The following LTBP1 variants were observed in gnomAD, a reference collection of about 807,000 sequenced individuals.
LTBP1 encodes the protein latent transforming growth factor beta binding protein 1.
In LTBP1, 129 loss-of-function variants were observed where a neutral mutation model predicts 207.6. The observed-to-expected ratio is 0.62, with a 90% CI of 0.54 to 0.72. The LOEUF (loss-of-function observed/expected upper bound fraction) is 0.72. Among genes scored for constraint, LTBP1 ranks in the 30% least tolerant of loss-of-function variants. The pLI is 0.00. For missense variants in LTBP1, 2,281 were observed against 2,217.2 expected (o/e 1.03, Z -0.58); for synonymous variants, 963 against 833.7 (o/e 1.16, Z -2.67).
At chr2:33,257,658 C>G in intron 12 of LTBP1, 147 bp downstream of exon 12, 1 of 649,362 alleles carries the variant, frequency 1.5e-6, no homozygotes, top group Non-Finnish European at 2.7e-6. Context: ...TGGGGGCTGC[C>G]CTGTGTATTG....
At chr2:33,041,311 G>T (rs1412817204) in intron 3 of LTBP1, among the ~76,000 whole-genome samples, 1 of 151,840 alleles carries the variant, frequency 6.6e-6, no homozygotes, top group Admixed American at 6.6e-5. Flanking sequence ...TTGAGACGGA[G>T]TCTCGCTGTG....
At chr2:33,329,285 A>T (rs973125908) in intron 24 of LTBP1, among the ~76,000 whole-genome samples, 3 of 152,138 alleles carry the variant, frequency 2.0e-5, no homozygotes, top group African/African-American at 7.2e-5. Context: ...TCATACCTTT[A>T]TTGGCCCTTT....
intron 2 of LTBP1, among the ~76,000 whole-genome samples, chr2:33,005,768 G>A (rs1686771708): frequency 6.6e-6 from 1 of 151,992 alleles, no homozygotes; most frequent in African/African-American, 2.4e-5. Context: ...TGTATTTTTA[G>A]TAGAGATGGA....
intron 18 of LTBP1, among the ~76,000 whole-genome samples, chr2:33,277,777 CTTTCTTTCTTTCTTTCTT>C (rs1343111575): frequency 5.5e-5 from 3 of 54,678 alleles, no homozygotes; most frequent in African/African-American, 1.6e-4. Context: ...TTCTTTCTTT[CTTTCTTTCTTTCTTTCTT>C]TCTCTCTCTC....
intron 3 of LTBP1, among the ~76,000 whole-genome samples, chr2:33,032,866 G>A (rs1472109074): frequency 1.3e-5 from 2 of 152,130 alleles, no homozygotes; most frequent in African/African-American, 4.8e-5. Context: ...AATCAGAAAT[G>A]CTTTTCATAC....
intron 5 of LTBP1, among the ~76,000 whole-genome samples, chr2:33,186,278 A>T (rs1361915178): frequency 6.6e-6 from 1 of 152,208 alleles, no homozygotes; most frequent in Non-Finnish European, 1.5e-5. Context: ...TTTTGTGAGT[A>T]CATAGTAGGT....
chr2:33,119,228 G>A (rs1420341955), intron 4 of LTBP1, among the ~76,000 whole-genome samples: 1 of 151,616 alleles, frequency 6.6e-6, no homozygotes, highest in African/African-American at 2.4e-5. Context: ...TGGGGAAACT[G>A]TAAAGCAAAG....
At chr2:33,126,086 G>T (rs749415079) in intron 4 of LTBP1, among the ~76,000 whole-genome samples, 1 of 152,110 alleles carries the variant, frequency 6.6e-6, no homozygotes, top group Non-Finnish European at 1.5e-5. Flanking sequence ...ATGAGTGAGT[G>T]TCTCCTTAGA....
chr2:33,276,931 G>A (rs1302816629), intron 18 of LTBP1, among the ~76,000 whole-genome samples: 1 of 152,190 alleles, frequency 6.6e-6, no homozygotes, highest in East Asian at 1.9e-4. Flanking sequence ...CTGACCTTCT[G>A]CTAAAAACCT....
intron 4 of LTBP1, among the ~76,000 whole-genome samples, chr2:33,122,500 C>G (rs1342328141): frequency 1.8e-4 from 27 of 152,134 alleles, no homozygotes; most frequent in Non-Finnish European, 2.9e-4. Context: ...GTAAGGTGGC[C>G]TGGCAGAGGC....
chr2:33,288,626 C>T (rs1035633154), intron 19 of LTBP1, among the ~76,000 whole-genome samples: 7 of 151,988 alleles, frequency 4.6e-5, no homozygotes, highest in Admixed American at 1.3e-4. Flanking sequence ...GAGGCCGAGG[C>T]GGGCAGATCA....
chr2:33,222,217 G>A, intron 9 of LTBP1, 66 bp downstream of exon 9: 3 of 1,140,568 alleles, frequency 2.6e-6, no homozygotes, highest in South Asian at 1.2e-5. Flanking sequence ...AACTTCAGTT[G>A]TTTGCCACGG....
At chr2:33,197,538 T>C (rs528254085) in intron 7 of LTBP1, among the ~76,000 whole-genome samples, 1 of 152,344 alleles carries the variant, frequency 6.6e-6, no homozygotes, top group South Asian at 2.1e-4. Context: ...ACATTGAATA[T>C]GTTCATCTTT....
intron 2 of LTBP1, among the ~76,000 whole-genome samples, chr2:32,952,683 C>G (rs145884586): frequency 2.0e-5 from 3 of 152,110 alleles, no homozygotes; most frequent in African/African-American, 7.2e-5. Context: ...CCCCCCATGC[C>G]CTGCATTGGT....
intron 32 of LTBP1, among the ~76,000 whole-genome samples, chr2:33,390,716 T>C (rs2095308025): frequency 6.6e-6 from 1 of 152,060 alleles, no homozygotes; most frequent in Non-Finnish European, 1.5e-5. Flanking sequence ...GGTCTCGAAC[T>C]CCTGGACTCA....
intron 25 of LTBP1, among the ~76,000 whole-genome samples, chr2:33,345,281 G>T (rs2094687190): frequency 6.6e-6 from 1 of 152,156 alleles, no homozygotes; most frequent in Non-Finnish European, 1.5e-5. Flanking sequence ...ACTGAAGCAT[G>T]TACAATTATT....
intron 19 of LTBP1, among the ~76,000 whole-genome samples, chr2:33,281,300 C>A (rs1008077990): frequency 2.0e-5 from 3 of 152,066 alleles, no homozygotes; most frequent in African/African-American, 7.3e-5. Context: ...GTAGAACGAG[C>A]TGCCCTTAGG....
chr2:33,042,773 A>G (rs2076252695), intron 3 of LTBP1, among the ~76,000 whole-genome samples: 1 of 152,218 alleles, frequency 6.6e-6, no homozygotes, highest in Admixed American at 6.5e-5. Context: ...AGATATTTAC[A>G]ATAGGCGGCA....
intron 32 of LTBP1, among the ~76,000 whole-genome samples, chr2:33,394,002 T>C (rs1359110537): frequency 1.3e-5 from 2 of 150,998 alleles, no homozygotes; most frequent in Non-Finnish European, 3.0e-5. Context: ...TGTGAGATGG[T>C]ATCTCATTGT....
Sources: gnomAD v4.1 joint callset for allele counts (sites outside exome capture counted in the v4.1 genomes callset) on GRCh38, gnomAD v4.1.1 for gene constraint, MANE v1.5 for transcripts, NCBI Gene and HGNC (gene_info 2026-07-23, HGNC 2026-07-21) for gene names.